Variants in APOL3 observed in about 807,000 individuals in gnomAD.
The protein encoded by APOL3 is apolipoprotein L3, also known as TNF-inducible protein CG12-1.
APOL3 carries 14 observed loss-of-function variants against 11.6 expected under a neutral mutation model. The ratio of observed to expected loss-of-function variants is 1.21; its 90% CI spans 0.80 to 1.89. The LOEUF (loss-of-function observed/expected upper bound fraction) is 1.89, where lower values mean the gene tolerates loss of function less well. Ranked by LOEUF, APOL3 falls within the 40% of genes most tolerant of loss-of-function variation. APOL3 has a pLI of 0.00. For synonymous variants in APOL3, 192 were observed against 190.6 expected (o/e 1.01, Z -0.06); for missense variants, 483 against 492.1 (o/e 0.98, Z 0.17).
At position 36,141,280 on chromosome 22, in the gene APOL3, G is replaced by A. The variant is rs371643988; in HGVS notation, c.1129C>T (p.Arg377Trp). Reference sequence around the variant, plus strand: ...TTCTCCTCCAGCTCCTGAGCCTGCCGCCTCAGCTCCTCAGCAGATGCAGAC... The same window carrying A: ...TTCTCCTCCAGCTCCTGAGCCTGCCACCTCAGCTCCTCAGCAGATGCAGAC... The change falls in exon 3 of 3, where the codon CGG (arginine) becomes TGG (tryptophan). Residue 377 changes from arginine to tryptophan, a missense_variant. Transcript: ENST00000349314. 1.3e-4 allele frequency: 213 copies of A among 1,614,100 alleles called. No homozygotes were observed. The Middle Eastern group carries it at 1.8e-3, about 14-fold the overall frequency.
intron 1 of APOL3, among the ~76,000 whole-genome samples, chr22:36,150,342 C>G (rs1049315507): frequency 6.6e-6 from 1 of 152,130 alleles, no homozygotes; most frequent in African/African-American, 2.4e-5. Flanking sequence ...CATTTGTGGA[C>G]TCGACTTTGC....
chr22:36,144,048 A>G (rs1325036494), intron 2 of APOL3, among the ~76,000 whole-genome samples: 1 of 152,142 alleles, frequency 6.6e-6, no homozygotes, highest in African/African-American at 2.4e-5. Flanking sequence ...GTAGAACAGA[A>G]GAGGGTCCCA....
upstream of APOL3, chr22:36,165,918 A>G (rs908750577): frequency 1.3e-5 from 2 of 152,266 alleles, no homozygotes; most frequent in African/African-American, 4.8e-5. Flanking sequence ...AAAAGAGAGT[A>G]GAAAGGCTGA....
At chr22:36,163,820 C>T (rs148856446), upstream of APOL3, among the ~76,000 whole-genome samples, 378 of 152,338 alleles carry the variant, frequency 2.5e-3, 3 homozygotes, top group African/African-American at 8.8e-3. Context: ...AGAGGGCTGC[C>T]CAAACTGATG....
Position 36,141,836 on chromosome 22 carries a change from G to T in APOL3, c.573C>A (p.Ser191=), listed in dbSNP as rs747086358. The T allele has an allele frequency of 1.9e-6, 3 of 1,614,186 alleles. No homozygotes were observed. In the South Asian group the frequency reaches 3.3e-5, roughly 18 times the overall value. ...TGCCAGAGGCAGCGCCAGTGGAGCT[G>T]GACACCACATTGGAGATGGTGCAGC... The change falls in exon 3 of 3, where the codon TCC becomes TCA. Residue 191 remains serine (S), a synonymous_variant. Coordinates refer to ENST00000349314, the Ensembl canonical transcript of APOL3.
chr22:36,152,183 T>C (rs894019276), intron 1 of APOL3, among the ~76,000 whole-genome samples: 1 of 151,776 alleles, frequency 6.6e-6, no homozygotes, highest in Non-Finnish European at 1.5e-5. Context: ...GGGGACTCGA[T>C]AGAACATTGC....
chr22:36,161,473 G>A (rs16996442), upstream of APOL3: 7,072 of 158,318 alleles, frequency 0.045, 180 homozygotes, highest in Middle Eastern at 0.091. Flanking sequence ...TGCTCTTGTC[G>A]AACGCCATAC....
exon 3 of APOL3, chr22:36,141,786 A>G: frequency 1.2e-6 from 2 of 1,614,198 alleles, no homozygotes; most frequent in Non-Finnish European, 1.7e-6. Context: ...AAATGGTGCC[A>G]AAACAAGACC....
chr22:36,143,881 G>A (rs1490799177), intron 2 of APOL3, among the ~76,000 whole-genome samples: 1 of 152,198 alleles, frequency 6.6e-6, no homozygotes, highest in African/African-American at 2.4e-5. Context: ...AATCACTAAT[G>A]CTGAAAAGAC....
exon 3 of APOL3, chr22:36,142,048 C>T: frequency 1.2e-6 from 2 of 1,610,986 alleles, no homozygotes; most frequent in Non-Finnish European, 8.5e-7. Flanking sequence ...TAGAGAGCAT[C>T]TGCCTCATCC....
chr22:36,141,729 C>T, exon 3 of APOL3: 1 of 1,614,014 alleles, frequency 6.2e-7, no homozygotes, highest in Non-Finnish European at 8.5e-7. Context: ...AGACGCTGCT[C>T]CCAGCCCTAC....
intron 1 of APOL3, among the ~76,000 whole-genome samples, chr22:36,147,110 T>C (rs186105766): frequency 5.3e-5 from 8 of 152,318 alleles, no homozygotes; most frequent in African/African-American, 1.4e-4. Flanking sequence ...ACTCCATATA[T>C]TTTGAAAATG....
exon 1 of APOL3, chr22:36,160,895 T>G: frequency 1.9e-6 from 3 of 1,612,856 alleles, no homozygotes; most frequent in Non-Finnish European, 2.5e-6. Flanking sequence ...GTCCCATCCT[T>G]GGTCCAGCAG....
chr22:36,159,287 G>A (rs11703304), intron 1 of APOL3: 19,174 of 152,096 alleles, frequency 0.13, 1,414 homozygotes, highest in Non-Finnish European at 0.16. Flanking sequence ...GCCTGCTGGG[G>A]GTCAGCAGGG....
chr22:36,142,150 TA>T, intron 2 of APOL3, 92 bp from the exon 4 acceptor site: 1 of 1,358,276 alleles, frequency 7.4e-7, no homozygotes, highest in Non-Finnish European at 9.9e-7. Context: ...ATCACAGAGC[TA>T]TTACTATGAG....
At chr22:36,157,892 A>T (rs1040815300) in intron 1 of APOL3, among the ~76,000 whole-genome samples, 5 of 147,506 alleles carry the variant, frequency 3.4e-5, no homozygotes, top group Non-Finnish European at 7.4e-5. Context: ...TCTACTAAAA[A>T]TATCAAAATT....
At chr22:36,157,168 C>T (rs2013025630) in intron 1 of APOL3, among the ~76,000 whole-genome samples, 1 of 152,168 alleles carries the variant, frequency 6.6e-6, no homozygotes, top group African/African-American at 2.4e-5. Context: ...ACACGCGAGC[C>T]AGCTAACCTC....
exon 3 of APOL3, chr22:36,141,784 C>T (rs138218584): frequency 6.2e-6 from 10 of 1,614,180 alleles, no homozygotes; most frequent in Non-Finnish European, 8.5e-6. Context: ...GTAAATGGTG[C>T]CAAAACAAGA....
At chr22:36,161,140 A>G (rs1181245376), upstream of APOL3, among the ~76,000 whole-genome samples, 1 of 152,128 alleles carries the variant, frequency 6.6e-6, no homozygotes, top group East Asian at 1.9e-4. Flanking sequence ...TCCATCACAC[A>G]TGCCGGGTGG....
Sources: allele counts gnomAD v4.1 joint callset (sites outside exome capture counted in the v4.1 genomes callset), GRCh38; gene constraint gnomAD v4.1.1; transcripts MANE v1.5; gene names NCBI Gene and HGNC (gene_info 2026-07-23, HGNC 2026-07-21).